PRELID2: variants seen among roughly 807,000 people sequenced by gnomAD.
PRELID2 encodes the protein PRELI domain containing 2, also known as PRELI domain-containing protein 2.
In PRELID2, 25 loss-of-function variants were observed where a neutral mutation model predicts 28.4. The ratio of observed to expected loss-of-function variants is 0.88; its 90% CI spans 0.64 to 1.23. PRELID2 has a LOEUF of 1.23. Ranked by LOEUF, PRELID2 falls within the 50% of genes most tolerant of loss-of-function variation. PRELID2 has a pLI of 0.00. For synonymous variants in PRELID2, 76 were observed against 71.6 expected, an observed-to-expected ratio of 1.06 and a Z score of -0.31; for missense variants, 201 against 214.4, an observed-to-expected ratio of 0.94 and a Z score of 0.39.
intron 1 of PRELID2, among the ~76,000 whole-genome samples, chr5:145,622,238 A>C (rs1179500659): frequency 6.6e-6 from 1 of 152,152 alleles, no homozygotes; most frequent in African/African-American, 2.4e-5. Flanking sequence ...AAAATGATCT[A>C]AACTTTAAGG....
At chr5:145,663,011 T>C (rs549218138) in intron 1 of PRELID2, among the ~76,000 whole-genome samples, 1 of 152,256 alleles carries the variant, frequency 6.6e-6, no homozygotes, top group African/African-American at 2.4e-5. Flanking sequence ...TAAATTATTA[T>C]TATTCACAGA....
rs112229835 is a variant in PRELID2, at chr5:145,686,716, C to T, written n.70+78215G>A. On this transcript the variant is annotated intron_variant and non_coding_transcript_variant, in intron 1 of 2. Transcript: ENST00000510259. Reference sequence around the variant, plus strand: ...CACCAATTACTTGCCCTTTTGTTTCCGCCATTTCTTGGAGAAAATTTAGTG... The same window carrying T: ...CACCAATTACTTGCCCTTTTGTTTCTGCCATTTCTTGGAGAAAATTTAGTG... Among the ~76,000 whole-genome samples the T allele has an allele frequency of 1.1e-3, 162 of 152,154 alleles. 2 individuals carry two copies. Among genetic ancestry groups the T allele is most frequent in the African/African-American group, 3.8e-3 (157 of 41,482 alleles).
the PRELID2 span, among the ~76,000 whole-genome samples, chr5:145,246,001 G>T: frequency 6.6e-6 from 1 of 151,948 alleles, no homozygotes; most frequent in Admixed American, 6.6e-5. Flanking sequence ...CTCCCAAATT[G>T]TCTTAATTTG....
the PRELID2 span, among the ~76,000 whole-genome samples, chr5:145,293,091 T>C: frequency 1.3e-5 from 2 of 152,106 alleles, no homozygotes; most frequent in Non-Finnish European, 2.9e-5. Flanking sequence ...TTTATTCCCA[T>C]TGACTATAAC....
chr5:145,446,129 T>C, the PRELID2 span, among the ~76,000 whole-genome samples: 1 of 151,974 alleles, frequency 6.6e-6, no homozygotes, highest in Non-Finnish European at 1.5e-5. Context: ...AAGAAGGATA[T>C]TGAATGCTCC....
At position 145,502,275 on chromosome 5, in the gene PRELID2, C is replaced by G. The variant is rs187182330; in HGVS notation, n.71-28960G>C. On this transcript the variant is annotated intron_variant and non_coding_transcript_variant, in intron 1 of 2. Transcript: ENST00000510259. ...GAGGTGCTACCTACTTTTGAACAAC[C>G]AGATCTCATGATAACTCACTCCCTA... is the stretch of plus-strand genomic sequence containing the variant. Among the ~76,000 whole-genome samples, 528 of 152,122 alleles carry G rather than the reference C, an allele frequency of 3.5e-3. 3 individuals carry two copies. The highest frequency in any genetic ancestry group is 5.7e-3 in the Non-Finnish European group (389 of 67,960).
At chr5:145,554,501 CA>C (rs1439346889) in intron 1 of PRELID2, among the ~76,000 whole-genome samples, 1 of 152,112 alleles carries the variant, frequency 6.6e-6, no homozygotes, top group Non-Finnish European at 1.5e-5. Context: ...TGGCTAATGG[CA>C]AAGAGAAAAG....
At chr5:145,673,620 TA>T (rs1349446732) in intron 1 of PRELID2, among the ~76,000 whole-genome samples, 4 of 151,714 alleles carry the variant, frequency 2.6e-5, no homozygotes, top group African/African-American at 9.7e-5. Context: ...TCAATAAATA[TA>T]AATGGGCATA....
chr5:145,362,961 C>T, the PRELID2 span, among the ~76,000 whole-genome samples: 1 of 151,732 alleles, frequency 6.6e-6, no homozygotes, highest in Non-Finnish European at 1.5e-5. Flanking sequence ...TCAACCTCTT[C>T]TTCTCTTAAT....
rs368580055 is a variant in PRELID2, at chr5:145,590,192, T to A, written n.71-116877A>T. 3.3e-5 allele frequency among the ~76,000 whole-genome samples: 5 copies of A among 152,278 alleles called. No homozygotes were observed. The South Asian group carries it at 8.3e-4, about 25-fold the overall frequency. ...GCCCCAGTGCTTTCACCAGAGTTTG[T>A]TCCTTCTTTCTGGTCTGGTCCTCCC... On this transcript the variant is annotated intron_variant and non_coding_transcript_variant, in intron 1 of 2. Coordinates refer to the PRELID2 transcript ENST00000510259.
At chr5:145,380,775 C>T in the PRELID2 span, among the ~76,000 whole-genome samples, 1 of 152,066 alleles carries the variant, frequency 6.6e-6, no homozygotes, top group Non-Finnish European at 1.5e-5. Flanking sequence ...AATATGAGAT[C>T]CTTGAAGGCT....
intron 1 of PRELID2, among the ~76,000 whole-genome samples, chr5:145,551,714 G>A (rs1752837020): frequency 6.6e-6 from 1 of 152,200 alleles, no homozygotes; most frequent in African/African-American, 2.4e-5. Flanking sequence ...TACTCCAACT[G>A]AGTGATTTGG....
chr5:145,729,615 G>A lies in PRELID2; in HGVS notation n.70+35316C>T, dbSNP rs751225831. Among the ~76,000 whole-genome samples, 9 of 152,142 alleles carry A rather than the reference G, an allele frequency of 5.9e-5. No homozygotes were observed. In the South Asian group the frequency reaches 8.3e-4, roughly 14 times the overall value. ...GTCCCATTGTTACCCTGGTTCTTCC[G>A]AGTACTCAGCTTTCCCACTGAGCTT... is the stretch of plus-strand genomic sequence containing the variant. On this transcript the variant is annotated intron_variant and non_coding_transcript_variant, in intron 1 of 2. Coordinates refer to the PRELID2 transcript ENST00000510259.
intron 1 of PRELID2, among the ~76,000 whole-genome samples, chr5:145,646,081 C>T (rs193269406): frequency 2.0e-5 from 3 of 152,272 alleles, no homozygotes; most frequent in Admixed American, 2.0e-4. Context: ...GTTGGCCTGT[C>T]TTGCTAGGTT....
the PRELID2 span, among the ~76,000 whole-genome samples, chr5:145,359,390 G>A: frequency 6.6e-6 from 1 of 152,130 alleles, no homozygotes; most frequent in Non-Finnish European, 1.5e-5. Flanking sequence ...TCTCAATCAG[G>A]AATACGGCTG....
chr5:145,802,903 C>T (rs551731377), intron 4 of PRELID2, among the ~76,000 whole-genome samples: 4 of 152,244 alleles, frequency 2.6e-5, no homozygotes, highest in South Asian at 2.1e-4. Flanking sequence ...CCCCAGAGCA[C>T]GCAGTCACCA....
chr5:145,713,750 C>T (rs1332729493), intron 1 of PRELID2, among the ~76,000 whole-genome samples: 1 of 131,246 alleles, frequency 7.6e-6, no homozygotes, highest in Non-Finnish European at 1.6e-5. Context: ...GTTCTTCTGG[C>T]ACATATATAT....
At chr5:145,745,860 C>T (rs1292926551) in intron 1 of PRELID2, among the ~76,000 whole-genome samples, 1 of 25,224 alleles carries the variant, frequency 4.0e-5, no homozygotes, top group African/African-American at 1.4e-4. Flanking sequence ...GAAACTTCAT[C>T]TCAAAAAAAA....
intron 1 of PRELID2, among the ~76,000 whole-genome samples, chr5:145,656,730 C>T (rs1045451396): frequency 6.0e-5 from 8 of 133,580 alleles, no homozygotes; most frequent in African/African-American, 2.0e-4. Context: ...GGAAGGGGAA[C>T]ATCACACACC....
Sources: allele counts gnomAD v4.1 joint callset (sites outside exome capture counted in the v4.1 genomes callset), GRCh38; gene constraint gnomAD v4.1.1; transcripts MANE v1.5; gene names NCBI Gene and HGNC (gene_info 2026-07-23, HGNC 2026-07-21).